The following TIAM1 variants were observed in gnomAD, a reference collection of about 807,000 sequenced individuals.
The protein encoded by TIAM1 is TIAM Rac1 associated GEF 1.
In TIAM1, 65 loss-of-function variants were observed where a neutral mutation model predicts 163.5. That is an observed-to-expected ratio of 0.40 (90% CI 0.33 to 0.49). The LOEUF is 0.49. Among genes scored for constraint, TIAM1 ranks in the 20% least tolerant of loss-of-function variants. The pLI, the probability that TIAM1 is intolerant of heterozygous loss-of-function variation, is 0.77. For synonymous variants in TIAM1, 833 were observed against 810.1 expected (o/e 1.03, Z -0.48); for missense variants, 1,789 against 2,044.7 (o/e 0.87, Z 2.41).
chr21:31,347,662 A>C (rs845931), upstream of TIAM1, among the ~76,000 whole-genome samples: 26,183 of 152,170 alleles, frequency 0.17, 2,417 homozygotes, highest in African/African-American at 0.21. Context: ...ATTTCTCAAG[A>C]TCGGGATGAA....
intron 2 of TIAM1, among the ~76,000 whole-genome samples, chr21:31,437,153 A>G (rs1602275141): frequency 6.6e-6 from 1 of 152,172 alleles, no homozygotes; most frequent in Non-Finnish European, 1.5e-5. Context: ...TAATGTAAAT[A>G]TATCAAAGTT....
intron 23 of TIAM1, among the ~76,000 whole-genome samples, chr21:31,134,789 G>A (rs2082555826): frequency 6.6e-6 from 1 of 152,174 alleles, no homozygotes; most frequent in South Asian, 2.1e-4. Context: ...GGGATTACAG[G>A]TGTGAGCCAC....
intron 19 of TIAM1, among the ~76,000 whole-genome samples, chr21:31,148,241 C>T (rs925041857): frequency 1.3e-5 from 2 of 152,042 alleles, no homozygotes; most frequent in Non-Finnish European, 1.5e-5. Flanking sequence ...ACTCAAATCT[C>T]ACCTTGAATT....
chr21:31,228,221 A>T (rs201507808), intron 6 of TIAM1, among the ~76,000 whole-genome samples: 2,732 of 48,962 alleles, frequency 0.056, 46 homozygotes, highest in African/African-American at 0.15. Flanking sequence ...TCCTTTTTTT[A>T]AAAAAAAAAA....
chr21:31,234,340 GAGGA>G (rs560608076), intron 6 of TIAM1, among the ~76,000 whole-genome samples: 142 of 135,982 alleles, frequency 1.0e-3, no homozygotes, highest in African/African-American at 3.8e-3. Context: ...GGGAGGGAAG[GAGGA>G]AGGGAGAGAG....
chr21:31,438,177 ATCTTTTTTT>A (rs2044280315), intron 2 of TIAM1, among the ~76,000 whole-genome samples: 1 of 99,660 alleles, frequency 1.0e-5, no homozygotes, highest in African/African-American at 4.5e-5. Context: ...CGTATTTGTG[ATCTTTTTTT>A]TTTTTTTTTT....
intron 2 of TIAM1, among the ~76,000 whole-genome samples, chr21:31,360,281 T>C (rs1419104674): frequency 1.3e-5 from 2 of 151,908 alleles, no homozygotes; most frequent in Non-Finnish European, 2.9e-5. Flanking sequence ...ATAATAATAA[T>C]AATAATAATT....
intron 8 of TIAM1, among the ~76,000 whole-genome samples, chr21:31,219,299 G>A (rs555251723): frequency 2.0e-5 from 3 of 152,060 alleles, no homozygotes; most frequent in Non-Finnish European, 4.4e-5. Context: ...CCACCCACCC[G>A]CTCGCCTTTC....
At position 31,119,988 on chromosome 21, in the gene TIAM1, TAGA is replaced by T; in HGVS notation, c.*377_*379del. The T allele has an allele frequency of 6.1e-6, 1 of 164,386 alleles. No homozygotes were observed. The highest frequency in any genetic ancestry group is 1.3e-5 in the Non-Finnish European group (1 of 76,446). The allele number at this position is 164,386 out of a possible 1,614,324, so 10.2% of individuals were successfully genotyped here. A position where few individuals can be genotyped will look rare whatever the true frequency, so the allele number is the denominator to read the frequency against. On this transcript the variant is annotated 3_prime_UTR_variant, in exon 28 of 28. Coordinates refer to ENST00000541036, the MANE Select transcript of TIAM1 (RefSeq NM_001353694.2). Reference sequence around the variant, plus strand: ...CCCCAGCTAGGAGACTGATTTCAGATAGAAGGATCGTGTGTGTGCTACTATCCC... The same window carrying T: ...CCCCAGCTAGGAGACTGATTTCAGATAGGATCGTGTGTGTGCTACTATCCC...
intron 1 of TIAM1, among the ~76,000 whole-genome samples, chr21:31,538,015 G>A (rs543612186): frequency 5.9e-5 from 9 of 152,276 alleles, no homozygotes; most frequent in Admixed American, 2.6e-4. Flanking sequence ...CATCCTGTGC[G>A]ATTCCTTACT....
rs530425765 is a variant in TIAM1, at chr21:31,423,126, T to C, written c.-369+40857A>G. ...TTTTTTTTTTTTTTTTGAGACGGAG[T>C]CTGGCTCTGTCACCCAGGCTGGAGT... On this transcript the variant is annotated intron_variant, in intron 2 of 28. Transcript: ENST00000286827. Among the ~76,000 whole-genome samples the C allele has an allele frequency of 2.4e-5, 3 of 123,044 alleles. No individual in the cohort carries two copies. In the South Asian group the frequency reaches 8.3e-4, roughly 34 times the overall value. The allele number at this position is 123,044 out of a possible 152,430, so 80.7% of individuals were successfully genotyped here.
At chr21:31,289,095 C>A (rs893176407) in intron 2 of TIAM1, among the ~76,000 whole-genome samples, 2 of 152,184 alleles carry the variant, frequency 1.3e-5, no homozygotes, top group Admixed American at 6.5e-5. Flanking sequence ...GCCACTTAAA[C>A]ACATGTAGCA....
intron 1 of TIAM1, among the ~76,000 whole-genome samples, chr21:31,527,904 G>A (rs1339272593): frequency 6.6e-6 from 1 of 152,148 alleles, no homozygotes; most frequent in Admixed American, 6.5e-5. Context: ...CCAAGGAAAT[G>A]TCTTGCTTCT....
At position 31,357,133 on chromosome 21, in the gene TIAM1, G is replaced by A. The variant is rs192667275; in HGVS notation, c.-368-17711C>T. 1.3e-4 allele frequency among the ~76,000 whole-genome samples: 20 copies of A among 152,262 alleles called. No homozygotes were observed. In the East Asian group the frequency reaches 3.7e-3, roughly 28 times the overall value. On this transcript the variant is annotated intron_variant, in intron 2 of 28. Coordinates refer to the TIAM1 transcript ENST00000286827. Reference sequence around the variant, plus strand: ...CCCAGTTCACACCTGTACCCAGACAGCTGACTGTGGCTAGAGAAAACAGAA... The same window carrying A: ...CCCAGTTCACACCTGTACCCAGACAACTGACTGTGGCTAGAGAAAACAGAA...
intron 6 of TIAM1, among the ~76,000 whole-genome samples, chr21:31,228,245 A>ATCTGATAAAGATTTTTCCTTT: frequency 1.5e-5 from 1 of 67,136 alleles, no homozygotes; most frequent in South Asian, 7.5e-4. Flanking sequence ...AAAAAAAAAA[A>ATCTGATAAAGATTTTTCCTTT]AAAAAAAAAA....
At chr21:31,392,506 G>C (rs1006550429) in intron 2 of TIAM1, among the ~76,000 whole-genome samples, 6 of 148,486 alleles carry the variant, frequency 4.0e-5, no homozygotes, top group Admixed American at 3.4e-4. Context: ...GGAGGCAAAG[G>C]TTGTGGTGAG....
chr21:31,329,346 T>C (rs2075600975), intron 2 of TIAM1, among the ~76,000 whole-genome samples: 1 of 152,220 alleles, frequency 6.6e-6, no homozygotes, highest in South Asian at 2.1e-4. Context: ...GAAGAAACGC[T>C]GAGGTCGGCT....
chr21:31,380,475 G>A (rs984054344), intron 2 of TIAM1, among the ~76,000 whole-genome samples: 15 of 152,068 alleles, frequency 9.9e-5, no homozygotes, highest in Admixed American at 2.6e-4. Context: ...TCCAGGAGGC[G>A]GAGGATGCAG....
intron 15 of TIAM1, among the ~76,000 whole-genome samples, chr21:31,173,325 G>T (rs2084603850): frequency 6.6e-6 from 1 of 152,096 alleles, no homozygotes; most frequent in African/African-American, 2.4e-5. Context: ...GTTTGGGGGT[G>T]GGGGCAAAAG....
Sources: gnomAD v4.1 joint callset for allele counts (sites outside exome capture counted in the v4.1 genomes callset) on GRCh38, gnomAD v4.1.1 for gene constraint, MANE v1.5 for transcripts, NCBI Gene and HGNC (gene_info 2026-07-23, HGNC 2026-07-21) for gene names.